MAGI2: variants seen among roughly 807,000 people sequenced by gnomAD.
MAGI2 encodes membrane-associated guanylate kinase, WW and PDZ domain-containing protein 2.
In MAGI2, 35 loss-of-function variants were observed where a neutral mutation model predicts 133.3. The observed-to-expected ratio is 0.26, with a 90% CI of 0.20 to 0.35. MAGI2 has a LOEUF of 0.35. Ranked by LOEUF, MAGI2 falls within the 10% of genes least tolerant of loss-of-function variation. The probability of loss-of-function intolerance (pLI) is 1.00; values close to 1 mark genes in which losing one functional copy is unlikely to be tolerated. For missense variants in MAGI2, 1,636 were observed against 1,863.4 expected (o/e 0.88, Z 2.25); for synonymous variants, 729 against 710.6 (o/e 1.03, Z -0.41).
chr7:78,340,972 G>T (rs1464872181), intron 9 of MAGI2, among the ~76,000 whole-genome samples: 1 of 152,104 alleles, frequency 6.6e-6, no homozygotes, highest in Non-Finnish European at 1.5e-5. Context: ...TCAGGCAAAA[G>T]AAAGAAATAA....
chr7:79,399,007 A>G (rs1251360573), intron 1 of MAGI2, among the ~76,000 whole-genome samples: 1 of 152,004 alleles, frequency 6.6e-6, no homozygotes, highest in Non-Finnish European at 1.5e-5. Flanking sequence ...ACAAATCTCA[A>G]GAAACTGCTG....
At chr7:78,888,777 G>T (rs1796480980) in intron 2 of MAGI2, among the ~76,000 whole-genome samples, 1 of 152,042 alleles carries the variant, frequency 6.6e-6, no homozygotes, top group Non-Finnish European at 1.5e-5. Flanking sequence ...CAAAGATGGG[G>T]AAAAAACAGA....
chr7:78,387,366 GCAGA>G (rs949816738), intron 6 of MAGI2, among the ~76,000 whole-genome samples: 11 of 152,130 alleles, frequency 7.2e-5, no homozygotes, highest in African/African-American at 2.7e-4. Context: ...CAAACAGCAG[GCAGA>G]CCACAGACCC....
At chr7:78,355,147 A>G (rs1393608892) in intron 7 of MAGI2, among the ~76,000 whole-genome samples, 2 of 152,212 alleles carry the variant, frequency 1.3e-5, no homozygotes, top group Non-Finnish European at 2.9e-5. Context: ...TGATAGTTTC[A>G]TGTAACTGTA....
At chr7:78,383,507 C>A (rs1229129421) in intron 6 of MAGI2, among the ~76,000 whole-genome samples, 1 of 151,840 alleles carries the variant, frequency 6.6e-6, no homozygotes, top group African/African-American at 2.4e-5. Context: ...ATATTGGTAC[C>A]ATGTTGGATG....
At chr7:78,396,236 C>T (rs1044568834) in intron 6 of MAGI2, among the ~76,000 whole-genome samples, 2 of 152,128 alleles carry the variant, frequency 1.3e-5, no homozygotes, top group Non-Finnish European at 2.9e-5. Context: ...AATCATACCC[C>T]ATTAAAAAAT....
intron 1 of MAGI2, among the ~76,000 whole-genome samples, chr7:79,293,217 C>T (rs2129558968): frequency 1.3e-5 from 2 of 152,244 alleles, no homozygotes; most frequent in Middle Eastern, 6.8e-3. Flanking sequence ...TCCTTTTTAT[C>T]ATTCACTTCT....
chr7:78,497,192 G>C (rs1247145834), intron 5 of MAGI2, among the ~76,000 whole-genome samples: 2 of 152,088 alleles, frequency 1.3e-5, no homozygotes, highest in African/African-American at 4.8e-5. Flanking sequence ...GAGATTACTG[G>C]TTTTACACAG....
At chr7:78,411,453 C>A (rs1162388070) in intron 6 of MAGI2, among the ~76,000 whole-genome samples, 1 of 151,928 alleles carries the variant, frequency 6.6e-6, no homozygotes, top group African/African-American at 2.4e-5. Flanking sequence ...CGTATACCAA[C>A]AATAAAATGA....
intron 1 of MAGI2, among the ~76,000 whole-genome samples, chr7:79,148,721 T>A (rs754061439): frequency 1.1e-4 from 16 of 151,906 alleles, no homozygotes; most frequent in Non-Finnish European, 1.2e-4. Context: ...GAAGAAAATG[T>A]GGGCAGCAGA....
chr7:78,368,441 A>T (rs1273489201), intron 7 of MAGI2, among the ~76,000 whole-genome samples: 2 of 152,182 alleles, frequency 1.3e-5, no homozygotes, highest in East Asian at 1.9e-4. Context: ...CACCCAAATA[A>T]CTTTAGGAAC....
At chr7:78,635,625 CCCTTTCTTCTTCCTGGTGT>C (rs1425931751) in intron 2 of MAGI2, among the ~76,000 whole-genome samples, 3 of 152,112 alleles carry the variant, frequency 2.0e-5, no homozygotes, top group Non-Finnish European at 4.4e-5. Flanking sequence ...CATATATTCC[CCCTTTCTTCTTCCTGGTGT>C]TTCTCAACTG....
At chr7:78,415,399 A>G (rs1798207381) in intron 6 of MAGI2, among the ~76,000 whole-genome samples, 1 of 152,100 alleles carries the variant, frequency 6.6e-6, no homozygotes, top group South Asian at 2.1e-4. Flanking sequence ...CAAAAATGAA[A>G]TAAAGACATT....
chr7:78,706,206 G>T (rs938588879), intron 2 of MAGI2, among the ~76,000 whole-genome samples: 2 of 152,092 alleles, frequency 1.3e-5, no homozygotes, highest in African/African-American at 4.8e-5. Flanking sequence ...TTATGGGAGG[G>T]ATCTGGGGGA....
chr7:78,020,121 A>T, intron 21 of MAGI2, 145 bp from the exon 22 acceptor site: 2 of 586,654 alleles, frequency 3.4e-6, no homozygotes, highest in Non-Finnish European at 4.9e-6. Flanking sequence ...CCCCACCCTC[A>T]CTGCCGAGAG....
chr7:79,044,905 C>T (rs1812029572), intron 1 of MAGI2, among the ~76,000 whole-genome samples: 1 of 152,222 alleles, frequency 6.6e-6, no homozygotes, highest in Admixed American at 6.5e-5. Flanking sequence ...CATGACCCTA[C>T]TACACTGCAA....
chr7:79,169,672 TA>T (rs5885118), intron 1 of MAGI2, among the ~76,000 whole-genome samples: 106,185 of 151,678 alleles, frequency 0.7, 39,783 homozygotes, highest in Non-Finnish European at 0.85. Context: ...TTCCATGTGT[TA>T]AAAAAAAATG....
intron 2 of MAGI2, among the ~76,000 whole-genome samples, chr7:78,725,297 C>T (rs1435206989): frequency 1.3e-5 from 2 of 152,120 alleles, no homozygotes; most frequent in Admixed American, 1.3e-4. Context: ...GTGTGGATTT[C>T]TGAGCACTAA....
chr7:78,229,060 T>A (rs550064122), intron 10 of MAGI2, among the ~76,000 whole-genome samples: 139 of 152,128 alleles, frequency 9.1e-4, no homozygotes, highest in Admixed American at 2.6e-3. Context: ...CTGAGCAGAG[T>A]AGATTTGATG....
Sources: gnomAD v4.1 joint callset for allele counts (sites outside exome capture counted in the v4.1 genomes callset) on GRCh38, gnomAD v4.1.1 for gene constraint, MANE v1.5 for transcripts, NCBI Gene and HGNC (gene_info 2026-07-23, HGNC 2026-07-21) for gene names.